The following FBXL17 variants were observed in gnomAD, a reference collection of about 807,000 sequenced individuals.
FBXL17 encodes the protein F-box and leucine rich repeat protein 17.
FBXL17 carries 22 observed loss-of-function variants against 66.2 expected under a neutral mutation model. The observed-to-expected ratio is 0.33, with a 90% CI of 0.24 to 0.47. The LOEUF (loss-of-function observed/expected upper bound fraction) is 0.47. FBXL17 is among the 20% of genes least tolerant of loss of function. The pLI, the probability that FBXL17 is intolerant of heterozygous loss-of-function variation, is 1.00. For missense variants in FBXL17, 878 were observed against 948.2 expected, an observed-to-expected ratio of 0.93 and a Z score of 0.97; for synonymous variants, 474 against 400.5, an observed-to-expected ratio of 1.18 and a Z score of -2.19.
intron 7 of FBXL17, among the ~76,000 whole-genome samples, chr5:107,960,790 A>G (rs968872391): frequency 6.6e-6 from 1 of 152,218 alleles, no homozygotes; most frequent in East Asian, 1.9e-4. Flanking sequence ...TTTATTGAAT[A>G]CCTATTTACT....
chr5:108,052,952 A>G (rs1747540590), intron 6 of FBXL17, among the ~76,000 whole-genome samples: 1 of 152,188 alleles, frequency 6.6e-6, no homozygotes. Flanking sequence ...GGGGAAAAAA[A>G]TCTCCTATTC....
At chr5:107,921,016 T>G (rs1750301204) in intron 7 of FBXL17, among the ~76,000 whole-genome samples, 1 of 152,176 alleles carries the variant, frequency 6.6e-6, no homozygotes, top group African/African-American at 2.4e-5. Flanking sequence ...ATTATATACA[T>G]TATAAAAGCC....
chr5:107,995,160 AC>A (rs1464376759), intron 7 of FBXL17, among the ~76,000 whole-genome samples: 1 of 152,222 alleles, frequency 6.6e-6, no homozygotes, highest in Non-Finnish European at 1.5e-5. Flanking sequence ...CAGAAAAAGA[AC>A]TAAAAAGGTA....
chr5:108,177,802 G>A (rs1022647724), intron 6 of FBXL17, among the ~76,000 whole-genome samples: 1 of 151,328 alleles, frequency 6.6e-6, no homozygotes, highest in Non-Finnish European at 1.5e-5. Flanking sequence ...GGTTGTTGTA[G>A]AGATTAAATA....
intron 4 of FBXL17, among the ~76,000 whole-genome samples, chr5:108,331,282 AT>A (rs542560519): frequency 4.9e-4 from 75 of 152,332 alleles, no homozygotes; most frequent in African/African-American, 1.8e-3. Context: ...ATGAAGGCAG[AT>A]ATGAGCACAC....
At chr5:107,962,017 C>A (rs1171964093) in intron 7 of FBXL17, among the ~76,000 whole-genome samples, 2 of 152,078 alleles carry the variant, frequency 1.3e-5, no homozygotes, top group Non-Finnish European at 2.9e-5. Context: ...AATGTGAGCA[C>A]AAAATTATGT....
In FBXL17 at chr5:108,262,070, A is replaced by ATTTT. The variant is rs200282593; in HGVS notation, c.1507-37843_1507-37842insAAAA. Among the ~76,000 whole-genome samples, 47 of 138,948 alleles carry ATTTT rather than the reference A, an allele frequency of 3.4e-4. 1 individual carries two copies. The highest frequency in any genetic ancestry group is 2.3e-3 in the East Asian group (11 of 4,824). The allele number at this position is 138,948 out of a possible 152,430, so 91.2% of individuals were successfully genotyped here. On this transcript the variant is annotated intron_variant, in intron 4 of 8. Transcript: ENST00000542267. Reference sequence around the variant, plus strand: ...TGATACATATTTTATTTATTTATTTATTTATTTATTTATTTATTTTTTTTG... The same window carrying ATTTT: ...TGATACATATTTTATTTATTTATTTATTTTTTTATTTATTTATTTATTTTTTTTG...
At chr5:107,943,857 T>C (rs1261045702) in intron 7 of FBXL17, among the ~76,000 whole-genome samples, 3 of 152,174 alleles carry the variant, frequency 2.0e-5, no homozygotes, top group African/African-American at 4.8e-5. Context: ...AAAATACAAA[T>C]CTGATCACGT....
intron 7 of FBXL17, among the ~76,000 whole-genome samples, chr5:108,016,770 C>T (rs1385111360): frequency 1.0e-5 from 1 of 99,324 alleles, no homozygotes; most frequent in African/African-American, 3.7e-5. Flanking sequence ...ATCTTTTTTT[C>T]TTTCTTTCTT....
At chr5:108,215,805 T>A (rs1754574307) in intron 5 of FBXL17, among the ~76,000 whole-genome samples, 1 of 152,210 alleles carries the variant, frequency 6.6e-6, no homozygotes, top group South Asian at 2.1e-4. Context: ...TCTCCCATGT[T>A]TTCTTCTACA....
At chr5:108,163,117 A>G (rs1453046818) in intron 6 of FBXL17, among the ~76,000 whole-genome samples, 1 of 152,220 alleles carries the variant, frequency 6.6e-6, no homozygotes, top group African/African-American at 2.4e-5. Context: ...AATAAATTCA[A>G]ATGTGACAAG....
At chr5:108,348,612 G>C in intron 3 of FBXL17, 82 bp from the exon 4 acceptor site, 1 of 1,426,908 alleles carries the variant, frequency 7.0e-7, no homozygotes, top group Non-Finnish European at 9.6e-7. Context: ...ATAATTTTTT[G>C]AAAATAACCA....
chr5:108,281,625 C>A (rs370791396), intron 4 of FBXL17, among the ~76,000 whole-genome samples: 1 of 151,374 alleles, frequency 6.6e-6, no homozygotes, highest in East Asian at 1.9e-4. Context: ...TCTCCAGAAA[C>A]CATAAAAGCA....
chr5:108,076,789 T>C (rs1174333359), intron 6 of FBXL17, among the ~76,000 whole-genome samples: 1 of 152,160 alleles, frequency 6.6e-6, no homozygotes, highest in African/African-American at 2.4e-5. Flanking sequence ...AAGAAACATT[T>C]ACCACCTATT....
intron 6 of FBXL17, among the ~76,000 whole-genome samples, chr5:108,120,367 G>C (rs1011121040): frequency 3.3e-5 from 5 of 152,158 alleles, no homozygotes; most frequent in Admixed American, 2.0e-4. Context: ...ATATAACTAA[G>C]ATATTTCATA....
At chr5:108,298,353 G>A (rs1178926335) in intron 4 of FBXL17, 1 of 982,780 alleles carries the variant, frequency 1.0e-6, no homozygotes, top group Non-Finnish European at 1.2e-6. Flanking sequence ...TATAAAATCT[G>A]TGCATAGAGA....
At chr5:108,211,732 C>G (rs548476757) in intron 5 of FBXL17, among the ~76,000 whole-genome samples, 1 of 152,136 alleles carries the variant, frequency 6.6e-6, no homozygotes, top group Non-Finnish European at 1.5e-5. Flanking sequence ...GTGGGTAACC[C>G]AACCTTTCTC....
chr5:107,945,583 A>G (rs1406167663), intron 7 of FBXL17, among the ~76,000 whole-genome samples: 3 of 152,186 alleles, frequency 2.0e-5, no homozygotes, highest in Non-Finnish European at 4.4e-5. Context: ...TCTCAAAAGC[A>G]TAATGCCAAG....
chr5:107,923,666 G>A (rs1750398800), intron 7 of FBXL17, among the ~76,000 whole-genome samples: 1 of 152,142 alleles, frequency 6.6e-6, no homozygotes, highest in African/African-American at 2.4e-5. Flanking sequence ...GCACTTTTAA[G>A]CTAGAAAGGG....
Sources: gnomAD v4.1 joint callset for allele counts (sites outside exome capture counted in the v4.1 genomes callset) on GRCh38, gnomAD v4.1.1 for gene constraint, MANE v1.5 for transcripts, NCBI Gene and HGNC (gene_info 2026-07-23, HGNC 2026-07-21) for gene names.